Variants in KCND2 observed in about 807,000 individuals in gnomAD.
The protein encoded by KCND2 is A-type voltage-gated potassium channel KCND2.
KCND2 carries 16 observed loss-of-function variants against 54.4 expected under a neutral mutation model. The observed-to-expected ratio is 0.29, with a 90% CI of 0.20 to 0.45. The LOEUF is 0.45. KCND2 is among the 20% of genes least tolerant of loss of function. The pLI, the probability that KCND2 is intolerant of heterozygous loss-of-function variation, is 1.00. For missense variants in KCND2, 486 were observed against 824.2 expected (o/e 0.59, Z 5.02); for synonymous variants, 317 against 310.7 (o/e 1.02, Z -0.21).
At chr7:120,335,062 T>C (rs1012823070) in intron 1 of KCND2, among the ~76,000 whole-genome samples, 22 of 152,042 alleles carry the variant, frequency 1.4e-4, no homozygotes, top group African/African-American at 5.1e-4. Flanking sequence ...GAGAATAAAA[T>C]TGAGTTTAAA....
chr7:120,314,108 C>A (rs182226113), intron 1 of KCND2, among the ~76,000 whole-genome samples: 184 of 149,778 alleles, frequency 1.2e-3, no homozygotes, highest in African/African-American at 4.1e-3. Flanking sequence ...CTTCTACTTG[C>A]TTCAAAAAGA....
chr7:120,496,395 C>A (rs1000396159), intron 1 of KCND2, among the ~76,000 whole-genome samples: 2 of 151,604 alleles, frequency 1.3e-5, no homozygotes, highest in African/African-American at 4.8e-5. Context: ...CTTCTTGAAG[C>A]TTTTCTTTTA....
chr7:120,297,982 A>C (rs1156233954), intron 1 of KCND2, among the ~76,000 whole-genome samples: 1 of 152,190 alleles, frequency 6.6e-6, no homozygotes, highest in Non-Finnish European at 1.5e-5. Context: ...GCCACTAAAT[A>C]CATGTGGCTA....
At chr7:120,361,796 A>G (rs1800595932) in intron 1 of KCND2, among the ~76,000 whole-genome samples, 1 of 152,114 alleles carries the variant, frequency 6.6e-6, no homozygotes, top group African/African-American at 2.4e-5. Flanking sequence ...GGTTGAAAGT[A>G]GGTTCCAAAG....
At chr7:120,369,174 T>C (rs1453729382) in intron 1 of KCND2, among the ~76,000 whole-genome samples, 1 of 151,972 alleles carries the variant, frequency 6.6e-6, no homozygotes, top group Non-Finnish European at 1.5e-5. Flanking sequence ...CATAAAAGTT[T>C]CAAATTAATA....
chr7:120,283,929 T>G (rs1799301633), intron 1 of KCND2, among the ~76,000 whole-genome samples: 1 of 152,076 alleles, frequency 6.6e-6, no homozygotes, highest in African/African-American at 2.4e-5. Flanking sequence ...ACAAATTAAA[T>G]TGAGACCATG....
chr7:120,425,393 T>C (rs1801693133), intron 1 of KCND2, among the ~76,000 whole-genome samples: 1 of 152,242 alleles, frequency 6.6e-6, no homozygotes, highest in South Asian at 2.1e-4. Flanking sequence ...TGCGACAATA[T>C]TTCTGAACAG....
intron 1 of KCND2, among the ~76,000 whole-genome samples, chr7:120,357,469 ATTTG>A (rs1800523039): frequency 2.0e-5 from 3 of 152,118 alleles, no homozygotes; most frequent in African/African-American, 7.2e-5. Flanking sequence ...ATTTGAATTT[ATTTG>A]TTTATTTATG....
chr7:120,746,575 G>A (rs1428915652), intron 5 of KCND2, among the ~76,000 whole-genome samples: 1 of 152,056 alleles, frequency 6.6e-6, no homozygotes, highest in Non-Finnish European at 1.5e-5. Context: ...AAAAATAAGT[G>A]AAGTACTAAA....
At chr7:120,514,251 A>T (rs552361904) in intron 1 of KCND2, among the ~76,000 whole-genome samples, 5 of 152,222 alleles carry the variant, frequency 3.3e-5, no homozygotes, top group Admixed American at 3.3e-4. Context: ...TGACCTGCCC[A>T]TATTCTTACC....
chr7:120,341,482 C>A (rs1435454560), intron 1 of KCND2, among the ~76,000 whole-genome samples: 1 of 152,014 alleles, frequency 6.6e-6, no homozygotes, highest in African/African-American at 2.4e-5. Context: ...TATGCGGGAT[C>A]AATTGATTTA....
At chr7:120,678,402 C>T (rs950118283) in intron 1 of KCND2, among the ~76,000 whole-genome samples, 6 of 133,258 alleles carry the variant, frequency 4.5e-5, no homozygotes, top group African/African-American at 5.1e-5. Flanking sequence ...GACACATACA[C>T]ACATATATAT....
intron 1 of KCND2, among the ~76,000 whole-genome samples, chr7:120,625,788 A>G (rs1281899243): frequency 6.6e-6 from 1 of 152,102 alleles, no homozygotes; most frequent in Admixed American, 6.6e-5. Context: ...GACAAAAAGA[A>G]CAATAATAAG....
chr7:120,729,270 T>C (rs376041330), intron 1 of KCND2, among the ~76,000 whole-genome samples: 23 of 152,216 alleles, frequency 1.5e-4, no homozygotes, highest in African/African-American at 5.1e-4. Context: ...AAATGAGTAA[T>C]GTAAAAACAG....
intron 1 of KCND2, among the ~76,000 whole-genome samples, chr7:120,315,357 C>A (rs978379399): frequency 6.6e-6 from 1 of 152,142 alleles, no homozygotes; most frequent in Non-Finnish European, 1.5e-5. Context: ...TCTGAAAAAT[C>A]CTTTTTCTAC....
intron 1 of KCND2, among the ~76,000 whole-genome samples, chr7:120,396,914 A>G (rs1039719910): frequency 1.3e-5 from 2 of 152,074 alleles, no homozygotes; most frequent in Non-Finnish European, 2.9e-5. Context: ...TTATTTTATC[A>G]GTATTTAAGC....
At chr7:120,705,814 T>G (rs1193512970) in intron 1 of KCND2, among the ~76,000 whole-genome samples, 5 of 152,110 alleles carry the variant, frequency 3.3e-5, no homozygotes. Flanking sequence ...TTGAAAAGGA[T>G]GTAAAGTCTC....
chr7:120,695,231 G>T (rs1043340845), intron 1 of KCND2, among the ~76,000 whole-genome samples: 36 of 151,078 alleles, frequency 2.4e-4, no homozygotes, highest in African/African-American at 8.5e-4. Flanking sequence ...ATATTAGTTT[G>T]AACTGAGCTT....
intron 1 of KCND2, among the ~76,000 whole-genome samples, chr7:120,367,920 C>T (rs544296989): frequency 1.3e-5 from 2 of 152,190 alleles, no homozygotes; most frequent in Non-Finnish European, 2.9e-5. Context: ...ATCTGCTTTA[C>T]AGGTTTAAGT....
Sources: allele counts gnomAD v4.1 joint callset (sites outside exome capture counted in the v4.1 genomes callset), GRCh38; gene constraint gnomAD v4.1.1; transcripts MANE v1.5; gene names NCBI Gene and HGNC (gene_info 2026-07-23, HGNC 2026-07-21).